Variants in OR1F1 observed in about 807,000 individuals in gnomAD.
OR1F1 encodes olfactory receptor family 1 subfamily F member 1.
For missense variants in OR1F1, 493 were observed against 376.3 expected, an observed-to-expected ratio of 1.31 and a Z score of -2.57; for synonymous variants, 184 against 156.7, an observed-to-expected ratio of 1.17 and a Z score of -1.30.
At chr16:3,195,329 A>G in the OR1F1 span, among the ~76,000 whole-genome samples, 2 of 152,168 alleles carry the variant, frequency 1.3e-5, no homozygotes, top group African/African-American at 2.4e-5. Flanking sequence ...AAAACAACAA[A>G]CAAACCAAAA....
chr16:3,205,231 C>A, downstream of OR1F1: 1 of 1,437,236 alleles, frequency 7.0e-7, no homozygotes, highest in Non-Finnish European at 9.6e-7. Flanking sequence ...ATTTATTTTT[C>A]ACCAATTGAG....
the OR1F1 span, among the ~76,000 whole-genome samples, chr16:3,194,542 A>G: frequency 5.3e-5 from 8 of 152,034 alleles, no homozygotes; most frequent in Middle Eastern, 3.4e-3. Context: ...CCCACGGGAG[A>G]GATGTATGAC....
upstream of OR1F1, among the ~76,000 whole-genome samples, chr16:3,203,359 C>T (rs552908812): frequency 1.9e-4 from 29 of 152,330 alleles, no homozygotes; most frequent in Non-Finnish European, 3.5e-4. Flanking sequence ...AGCCTCAAAG[C>T]TCCAGTGACG....
downstream of OR1F1, among the ~76,000 whole-genome samples, chr16:3,205,994 T>A (rs1226240945): frequency 6.6e-6 from 1 of 152,220 alleles, no homozygotes; most frequent in Non-Finnish European, 1.5e-5. Flanking sequence ...GGAGCCATAT[T>A]TTTCTTCTTG....
chr16:3,205,391 C>T (rs1958194412), downstream of OR1F1, among the ~76,000 whole-genome samples: 1 of 152,158 alleles, frequency 6.6e-6, no homozygotes, highest in Admixed American at 6.5e-5. Flanking sequence ...TCTTGGCTCA[C>T]TGCACCCTCC....
chr16:3,199,098 G>A, the OR1F1 span, among the ~76,000 whole-genome samples: 3 of 108,944 alleles, frequency 2.8e-5, no homozygotes, highest in Non-Finnish European at 5.2e-5. Flanking sequence ...GGGCCAGAAG[G>A]CAAGATCCTG....
At chr16:3,203,368 C>T (rs745450612), upstream of OR1F1, among the ~76,000 whole-genome samples, 4 of 152,206 alleles carry the variant, frequency 2.6e-5, no homozygotes, top group East Asian at 1.9e-4. Context: ...GCTCCAGTGA[C>T]GAGTCACCCT....
exon 1 of OR1F1, chr16:3,204,409 C>T (rs1397488703): frequency 2.5e-6 from 4 of 1,614,040 alleles, no homozygotes; most frequent in African/African-American, 1.3e-5. Context: ...AGACTCCTGC[C>T]TGCACACCCC....
At chr16:3,195,938 G>A in the OR1F1 span, among the ~76,000 whole-genome samples, 1 of 152,218 alleles carries the variant, frequency 6.6e-6, no homozygotes, top group Non-Finnish European at 1.5e-5. Flanking sequence ...CACCAGGTGG[G>A]TTTGGTCACT....
chr16:3,205,978 C>G (rs974639783), downstream of OR1F1, among the ~76,000 whole-genome samples: 1 of 152,148 alleles, frequency 6.6e-6, no homozygotes, highest in African/African-American at 2.4e-5. Context: ...TGGAGTTGGG[C>G]AGAATGGAGC....
chr16:3,194,038 A>T, the OR1F1 span, among the ~76,000 whole-genome samples: 1 of 152,150 alleles, frequency 6.6e-6, no homozygotes, highest in African/African-American at 2.4e-5. Flanking sequence ...CACGCCTTTT[A>T]AAAAGGACAA....
the OR1F1 span, among the ~76,000 whole-genome samples, chr16:3,190,302 C>T: frequency 6.6e-6 from 1 of 152,188 alleles, no homozygotes; most frequent in Admixed American, 6.5e-5. Flanking sequence ...ACCCGGGTAC[C>T]CCGTCCTGAG....
rs138114408 is a variant in OR1F1, at chr16:3,204,579, C to G, written c.333C>G (p.Asp111Glu). 473 of 1,614,162 alleles carry G rather than the reference C, an allele frequency of 2.9e-4. 3 individuals carry two copies. The African/African-American group carries it at 5.7e-3, about 20-fold the overall frequency. The change falls in exon 1 of 1, where the codon GAC (aspartate) becomes GAG (glutamate). Residue 111 changes from aspartate to glutamate, a missense_variant. Transcript: ENST00000304646. ...TCGTTTTCATGTTCGTGGACATGGA[C>G]AATTTCCTCCTAGCTGTGATGGCCT...
chr16:3,199,894 C>T (rs1453911359), upstream of OR1F1, among the ~76,000 whole-genome samples: 1 of 151,348 alleles, frequency 6.6e-6, no homozygotes, highest in Admixed American at 6.6e-5. Flanking sequence ...GCATGCCTGG[C>T]AATCCCAGCT....
chr16:3,195,370 G>T, the OR1F1 span, among the ~76,000 whole-genome samples: 1 of 151,198 alleles, frequency 6.6e-6, no homozygotes, highest in African/African-American at 2.4e-5. Flanking sequence ...CGGGTTAAAC[G>T]ACGCACTAGC....
the OR1F1 span, among the ~76,000 whole-genome samples, chr16:3,194,589 T>C: frequency 3.9e-5 from 6 of 152,300 alleles, no homozygotes; most frequent in South Asian, 1.2e-3. Context: ...AGGCCCCAGA[T>C]GTTTGTGTAT....
At chr16:3,197,096 G>A in the OR1F1 span, among the ~76,000 whole-genome samples, 2 of 151,288 alleles carry the variant, frequency 1.3e-5, no homozygotes, top group South Asian at 2.1e-4. Context: ...GGCTAGTCTC[G>A]AACTCCTGAC....
At chr16:3,202,461 C>A (rs1357648622), upstream of OR1F1, among the ~76,000 whole-genome samples, 1 of 152,060 alleles carries the variant, frequency 6.6e-6, no homozygotes, top group African/African-American at 2.4e-5. Flanking sequence ...CTATCGCTTG[C>A]AAATAATGTC....
At chr16:3,190,911 A>G in the OR1F1 span, among the ~76,000 whole-genome samples, 4 of 152,204 alleles carry the variant, frequency 2.6e-5, no homozygotes, top group Non-Finnish European at 5.9e-5. Flanking sequence ...TATCTTTGAC[A>G]ACGGGACCTA....
Sources: allele counts gnomAD v4.1 joint callset (sites outside exome capture counted in the v4.1 genomes callset), GRCh38; gene constraint gnomAD v4.1.1; transcripts MANE v1.5; gene names NCBI Gene and HGNC (gene_info 2026-07-23, HGNC 2026-07-21).